Variants in RAD51AP1 observed in about 807,000 individuals in gnomAD.
The protein encoded by RAD51AP1 is RAD51-associated protein 1.
A neutral mutation model predicts 34.3 loss-of-function variants in RAD51AP1; 14 were observed. The ratio of observed to expected loss-of-function variants is 0.41; its 90% CI spans 0.27 to 0.64. The LOEUF is 0.64. RAD51AP1 is among the 30% of genes least tolerant of loss of function. The pLI, the probability that RAD51AP1 is intolerant of heterozygous loss-of-function variation, is 0.33. For synonymous variants in RAD51AP1, 114 were observed against 129.8 expected, an observed-to-expected ratio of 0.88 and a Z score of 0.83; for missense variants, 348 against 386.9, an observed-to-expected ratio of 0.90 and a Z score of 0.84.
intron 8 of RAD51AP1, 45 bp from the exon 9 acceptor site, chr12:4,558,812 G>A: frequency 6.3e-7 from 1 of 1,589,238 alleles, no homozygotes; most frequent in Non-Finnish European, 8.6e-7. Flanking sequence ...TCTTTGTTAA[G>A]AGATTTCTGA....
At chr12:4,543,055 T>C (rs1263183021) in intron 2 of RAD51AP1, among the ~76,000 whole-genome samples, 1 of 151,170 alleles carries the variant, frequency 6.6e-6, no homozygotes, top group Non-Finnish European at 1.5e-5. Flanking sequence ...GAATAGGTAA[T>C]GGGCTTTTTT....
At position 4,546,184 on chromosome 12, in the gene RAD51AP1, T is replaced by G. The variant is rs964395834; in HGVS notation, c.210-125T>G. The G allele has an allele frequency of 2.4e-5, 16 of 673,174 alleles. No individual in the cohort carries two copies. The South Asian group carries it at 3.1e-4, about 13-fold the overall frequency. The allele number at this position is 673,174 out of a possible 1,614,324, so 41.7% of individuals were successfully genotyped here. A position where few individuals can be genotyped will look rare whatever the true frequency, so the allele number is the denominator to read the frequency against. ...ATCATCAAAGGTCTATTAATGATGA[T>G]TGTTTAAAAACATTTTTGCGAAGTT... On this transcript the variant is annotated intron_variant, in intron 3 of 8. Transcript: ENST00000352618.
At chr12:4,555,741 T>C (rs532569610) in intron 7 of RAD51AP1, among the ~76,000 whole-genome samples, 10 of 152,322 alleles carry the variant, frequency 6.6e-5, no homozygotes, top group Admixed American at 1.3e-4. Context: ...GTTCAGACCA[T>C]CCTCACTCAC....
intron 3 of RAD51AP1, chr12:4,545,238 C>T (rs1325002865): frequency 4.4e-6 from 2 of 453,892 alleles, no homozygotes; most frequent in Admixed American, 4.7e-5. Context: ...GAAATGACAA[C>T]TGATAACTGA....
At position 4,553,144 on chromosome 12, in the gene RAD51AP1, T is replaced by G. The variant is rs763691158; in HGVS notation, c.718T>G (p.Leu240Val). Residue 240 changes from leucine (L) to valine (V), a missense_variant, in exon 7 of 9, where the codon TTG becomes GTG. Coordinates refer to ENST00000352618, the MANE Select transcript of RAD51AP1 (RefSeq NM_006479.5). Reference sequence around the variant, plus strand: ...GAAATCTAAATCCAAATGTAATGCTTTGGGTAAGCTTGGTCCAAAACACTT... The same window carrying G: ...GAAATCTAAATCCAAATGTAATGCTGTGGGTAAGCTTGGTCCAAAACACTT... Reference protein sequence around the residue: ...EKKSKSKCNALVTSVDSAPAA... With the variant: ...EKKSKSKCNAVVTSVDSAPAA... 1.3e-6 allele frequency: 2 copies of G among 1,558,812 alleles called. No homozygotes were observed. Among genetic ancestry groups the G allele is most frequent in the East Asian group, 4.6e-5 (2 of 43,290 alleles).
rs1272828535 is a variant in RAD51AP1, at chr12:4,559,004, G to A, written c.*11G>A. 1.2e-6 allele frequency: 2 copies of A among 1,612,884 alleles called. No individual in the cohort carries two copies. The highest frequency in any genetic ancestry group is 1.7e-6 in the Non-Finnish European group (2 of 1,179,480). The stretch of plus-strand genomic sequence containing the variant: ...GCCACTAGCACCTGAGTGTGGTACA[G>A]GAGGAATGTTTGGTTGGGAGAATCA... On this transcript the variant is annotated 3_prime_UTR_variant, in exon 9 of 9. Transcript: ENST00000352618.
intron 6 of RAD51AP1, among the ~76,000 whole-genome samples, chr12:4,549,563 C>T (rs1216138272): frequency 1.3e-5 from 2 of 152,108 alleles, no homozygotes; most frequent in Admixed American, 1.3e-4. Context: ...AAACAAACAG[C>T]TCCTGTCCTT....
In RAD51AP1 at chr12:4,558,986, G is replaced by A. The variant is rs777205425; in HGVS notation, c.1001G>A (p.Ser334Asn). 12 of 1,613,878 alleles carry A rather than the reference G, an allele frequency of 7.4e-6. No individual in the cohort carries two copies. In the East Asian group the frequency reaches 2.5e-4, roughly 33 times the overall value. ...AAACCTTTGCATCCAAATGCCACTA[G>A]CACCTGAGTGTGGTACAGGAGGAAT... ...RVKPLHPNAT[S>N]T Residue 334 changes from serine to asparagine, a missense_variant, in exon 9 of 9, where the codon AGC (serine) becomes AAC (asparagine). Physicochemically the swap from Ser to Asn is conservative, Grantham distance 46. Coordinates refer to ENST00000352618, the MANE Select transcript of RAD51AP1 (RefSeq NM_006479.5).
intron 8 of RAD51AP1, 61 bp downstream of exon 8, chr12:4,556,563 C>T (rs1190187812): frequency 3.8e-6 from 6 of 1,571,370 alleles, no homozygotes; most frequent in Non-Finnish European, 5.2e-6. Flanking sequence ...AAATTTTTTT[C>T]CTAGTTACAA....
rs113711568 is a variant in RAD51AP1, at chr12:4,543,851, G to A, written c.156G>A (p.Leu52=). 5.3e-5 allele frequency: 86 copies of A among 1,612,628 alleles called. 1 individual carries two copies. In the African/African-American group the frequency reaches 6.3e-4, roughly 12 times the overall value. The change falls in exon 3 of 9, where the codon TTG becomes TTA. Residue 52 remains leucine, a synonymous_variant. Coordinates refer to ENST00000352618, the MANE Select transcript of RAD51AP1 (RefSeq NM_006479.5). The part of the protein sequence containing the change: ...ELKQDKPKPN[L]NNLRKEEIPV... ...AACAAGATAAACCAAAACCTAACTT[G>A]AACAATCTCCGGAAAGAAGAAATCC...
intron 5 of RAD51AP1, 132 bp from the exon 6 acceptor site, chr12:4,548,555 C>A: frequency 9.3e-7 from 1 of 1,074,288 alleles, no homozygotes; most frequent in Non-Finnish European, 1.3e-6. Flanking sequence ...GGCTAATAGT[C>A]TATTACTGGA....
At chr12:4,558,020 A>G (rs1330325112) in intron 8 of RAD51AP1, among the ~76,000 whole-genome samples, 1 of 152,028 alleles carries the variant, frequency 6.6e-6, no homozygotes, top group African/African-American at 2.4e-5. Context: ...AAAACAATAT[A>G]TCTGAGAGCT....
chr12:4,548,327 C>A, intron 5 of RAD51AP1, 149 bp downstream of exon 5: 1 of 1,192,676 alleles, frequency 8.4e-7, no homozygotes, highest in Non-Finnish European at 1.2e-6. Flanking sequence ...GTGTTTTAGT[C>A]TCATTCTGTC....
At position 4,558,954 on chromosome 12, in the gene RAD51AP1, A is replaced by G. The variant is rs1172393024; in HGVS notation, c.969A>G (p.Ala323=). The change falls in exon 9 of 9, where the codon GCA becomes GCG. Residue 323 remains alanine, a synonymous_variant. Coordinates refer to ENST00000352618, the MANE Select transcript of RAD51AP1 (RefSeq NM_006479.5). ...TCCGCCTTGGCTTGTCCAGATTAGC[A>G]CGAGTTAAACCTTTGCATCCAAATG... ...QSLRLGLSRL[A]RVKPLHPNAT... 1.2e-6 allele frequency: 2 copies of G among 1,614,176 alleles called. No individual in the cohort carries two copies. The highest frequency in any genetic ancestry group is 3.3e-5 in the Admixed American group (2 of 60,032).
rs1341421989 is a variant in RAD51AP1 at position 4,558,878 on chromosome 12, G to A, written c.893G>A (p.Ser298Asn). The A allele has an allele frequency of 5.0e-6, 8 of 1,613,978 alleles. No homozygotes were observed. In the East Asian group the frequency reaches 1.3e-4, roughly 27 times the overall value. ...TCAGCGGCATCTGGAGGTAGCAGAA[G>A]TAGCAGCAGCCCACTGGTGGTAGTG... ...VPPAASGGSR[S>N]SSSPLVVVSV... The change falls in exon 9 of 9, where the codon AGT becomes AAT. Residue 298 changes from serine (S) to asparagine (N), a missense_variant. Physicochemically the swap from Ser to Asn is conservative, Grantham distance 46. Coordinates refer to ENST00000352618, the MANE Select transcript of RAD51AP1 (RefSeq NM_006479.5).
intron 8 of RAD51AP1, among the ~76,000 whole-genome samples, chr12:4,557,598 C>T (rs1204034148): frequency 6.6e-6 from 1 of 151,064 alleles, no homozygotes; most frequent in African/African-American, 2.4e-5. Context: ...TAATGCTTCC[C>T]CAATGAAGGA....
At chr12:4,543,102 C>T (rs1272692978) in intron 2 of RAD51AP1, among the ~76,000 whole-genome samples, 5 of 152,094 alleles carry the variant, frequency 3.3e-5, no homozygotes, top group East Asian at 1.9e-4. Context: ...ACTCTTGCAC[C>T]TAGGCTAGAG....
chr12:4,541,340 T>C (rs368883900), intron 1 of RAD51AP1, among the ~76,000 whole-genome samples: 2 of 152,208 alleles, frequency 1.3e-5, no homozygotes, highest in African/African-American at 4.8e-5. Flanking sequence ...TCACTCACCA[T>C]TTTTAAGTGT....
rs1221149038 is a variant in RAD51AP1 at position 4,559,176 on chromosome 12, G to A, written c.*183G>A. Reference sequence around the variant, plus strand: ...GTAAAACTCTTCAAGACTTCAATGAGAAGTTTGTTTATAAGAATTATCTTC... The same window carrying A: ...GTAAAACTCTTCAAGACTTCAATGAAAAGTTTGTTTATAAGAATTATCTTC... On this transcript the variant is annotated 3_prime_UTR_variant, in exon 9 of 9. Coordinates refer to ENST00000352618, the MANE Select transcript of RAD51AP1 (RefSeq NM_006479.5). The A allele has an allele frequency of 3.2e-6, 2 of 631,970 alleles. No individual in the cohort carries two copies. The highest frequency in any genetic ancestry group is 2.6e-5 in the South Asian group (1 of 38,426). 39.1% of individuals were successfully genotyped at this position (631,970 alleles called of 1,614,324 possible).
Sources: allele counts gnomAD v4.1 joint callset (sites outside exome capture counted in the v4.1 genomes callset), GRCh38; gene constraint gnomAD v4.1.1; transcripts MANE v1.5; gene names NCBI Gene and HGNC (gene_info 2026-07-23, HGNC 2026-07-21).